The following NPSR1 variants were observed in gnomAD, a reference collection of about 807,000 sequenced individuals.
NPSR1 encodes neuropeptide S receptor 1.
Under a neutral mutation model 46.9 loss-of-function variants are expected in NPSR1, and 48 were observed. The observed-to-expected ratio is 1.02, with a 90% CI of 0.81 to 1.30. The LOEUF (loss-of-function observed/expected upper bound fraction) is 1.30, where lower values mean the gene tolerates loss of function less well. NPSR1 is among the 50% of genes most tolerant of loss of function. The probability of loss-of-function intolerance (pLI) is 0.00; values close to 1 mark genes in which losing one functional copy is unlikely to be tolerated. For synonymous variants in NPSR1, 176 were observed against 168.1 expected, an observed-to-expected ratio of 1.05 and a Z score of -0.36; for missense variants, 450 against 449.5, an observed-to-expected ratio of 1.00 and a Z score of -0.01.
In NPSR1 at chr7:34,827,450, G is replaced by C; in HGVS notation, c.528G>C (p.Leu176=). ...TGATCGCCTGGAGCCTGTCTTTTCT[G>C]TTCTCCATTCCCACCCTGATCATAT... ...LIVIAWSLSF[L]FSIPTLIIFG... The change falls in exon 5 of 9, where the codon CTG becomes CTC. Residue 176 remains leucine, a synonymous_variant. Coordinates refer to ENST00000360581, the MANE Select transcript of NPSR1 (RefSeq NM_207172.2). The C allele has an allele frequency of 6.2e-7, 1 of 1,614,094 alleles. No homozygotes were observed. The highest frequency in any genetic ancestry group is 1.1e-5 in the South Asian group (1 of 91,076).
chr7:34,709,942 C>G (rs1783190002), intron 2 of NPSR1, among the ~76,000 whole-genome samples: 8 of 152,168 alleles, frequency 5.3e-5, no homozygotes, highest in Admixed American at 5.2e-4. Flanking sequence ...GTGAGATTAT[C>G]AGCACCTTCT....
chr7:34,753,294 T>C (rs1583949863), intron 2 of NPSR1: 1 of 152,272 alleles, frequency 6.6e-6, no homozygotes, highest in South Asian at 2.1e-4. Context: ...CCCCAGTGTT[T>C]TATGGTGGTC....
intron 6 of NPSR1, 109 bp from the exon 7 acceptor site, chr7:34,844,787 C>T: frequency 1.3e-6 from 1 of 761,020 alleles, no homozygotes; most frequent in Non-Finnish European, 2.4e-6. Context: ...CATAAATGCA[C>T]AGGATATAAG....
At chr7:34,792,021 G>C (rs541139715) in intron 3 of NPSR1, among the ~76,000 whole-genome samples, 5 of 152,144 alleles carry the variant, frequency 3.3e-5, no homozygotes, top group African/African-American at 4.8e-5. Flanking sequence ...CATGAGAAGA[G>C]TGCAATTTAA....
chr7:34,821,380 C>T (rs964790337), intron 4 of NPSR1, among the ~76,000 whole-genome samples: 1 of 152,022 alleles, frequency 6.6e-6, no homozygotes, highest in African/African-American at 2.4e-5. Context: ...TCCACCTTGG[C>T]CTTCCAAAGT....
At chr7:34,685,891 C>G (rs1792904649) in intron 2 of NPSR1, 1 of 231,610 alleles carries the variant, frequency 4.3e-6, no homozygotes, top group South Asian at 4.5e-5. Flanking sequence ...TTCAATCTTT[C>G]CTACCAACAA....
At chr7:34,789,018 G>A (rs775798987) in intron 3 of NPSR1, among the ~76,000 whole-genome samples, 3 of 151,834 alleles carry the variant, frequency 2.0e-5, no homozygotes, top group South Asian at 2.1e-4. Context: ...TGTTACAAAC[G>A]TGAAAATTAA....
intron 1 of NPSR1, among the ~76,000 whole-genome samples, chr7:34,681,192 G>A (rs1792615786): frequency 6.6e-6 from 1 of 152,142 alleles, no homozygotes; most frequent in African/African-American, 2.4e-5. Flanking sequence ...CAACCTGAGG[G>A]AGAGCTGGGT....
chr7:34,876,721 GA>G (rs1791583656), intron 8 of NPSR1, among the ~76,000 whole-genome samples: 1 of 152,118 alleles, frequency 6.6e-6, no homozygotes, highest in East Asian at 1.9e-4. Context: ...CAGGAGGTCC[GA>G]GAAGGACCTA....
intron 5 of NPSR1, among the ~76,000 whole-genome samples, chr7:34,828,402 A>C (rs1305564510): frequency 1.3e-5 from 2 of 152,216 alleles, no homozygotes; most frequent in Non-Finnish European, 1.5e-5. Flanking sequence ...GCCAATGGTG[A>C]GCTGTAGAGG....
chr7:34,827,247 T>C (rs1789900452), intron 4 of NPSR1, among the ~76,000 whole-genome samples, 154 bp from the exon 5 acceptor site: 1 of 152,228 alleles, frequency 6.6e-6, no homozygotes, highest in African/African-American at 2.4e-5. Context: ...GGAGATACTG[T>C]ATCCCTGTTT....
At chr7:34,705,642 CTT>C (rs1794069201) in intron 2 of NPSR1, among the ~76,000 whole-genome samples, 1 of 151,486 alleles carries the variant, frequency 6.6e-6, no homozygotes, top group African/African-American at 2.4e-5. Flanking sequence ...ACACATAAGT[CTT>C]TTCATTTATT....
At chr7:34,848,192 G>C (rs1790807369) in intron 7 of NPSR1, among the ~76,000 whole-genome samples, 1 of 152,072 alleles carries the variant, frequency 6.6e-6, no homozygotes, top group South Asian at 2.1e-4. Context: ...CTTGTTCCTG[G>C]GGTTTCTATA....
At chr7:34,659,073 G>A (rs1791329581) in intron 1 of NPSR1, among the ~76,000 whole-genome samples, 1 of 152,186 alleles carries the variant, frequency 6.6e-6, no homozygotes, top group Admixed American at 6.5e-5. Context: ...ATATTTCTTT[G>A]AGGGTAGTTG....
chr7:34,875,127 T>C (rs1451969139), intron 8 of NPSR1, among the ~76,000 whole-genome samples: 2 of 152,218 alleles, frequency 1.3e-5, no homozygotes, highest in Non-Finnish European at 2.9e-5. Context: ...TGCATATTTA[T>C]TGGATGAATG....
chr7:34,771,937 AG>A (rs1444633443), intron 2 of NPSR1, among the ~76,000 whole-genome samples: 1 of 152,190 alleles, frequency 6.6e-6, no homozygotes, highest in Non-Finnish European at 1.5e-5. Flanking sequence ...AGTCAGGTTA[AG>A]GGTAGTAATT....
At chr7:34,808,325 A>G (rs868454491) in intron 3 of NPSR1, among the ~76,000 whole-genome samples, 10 of 152,202 alleles carry the variant, frequency 6.6e-5, no homozygotes, top group African/African-American at 2.4e-4. Context: ...TGTTACAGCC[A>G]CCATAGGAAA....
intron 1 of NPSR1, among the ~76,000 whole-genome samples, chr7:34,674,874 G>A (rs1340650329): frequency 1.3e-5 from 2 of 152,232 alleles, no homozygotes; most frequent in South Asian, 2.1e-4. Flanking sequence ...ATCCAACCCA[G>A]CCCCAGAAAC....
At chr7:34,783,998 A>C (rs1457510798) in intron 3 of NPSR1, among the ~76,000 whole-genome samples, 10 of 152,194 alleles carry the variant, frequency 6.6e-5, no homozygotes. Flanking sequence ...TATTTTCCAA[A>C]AATTCTACAC....
Sources: allele counts gnomAD v4.1 joint callset (sites outside exome capture counted in the v4.1 genomes callset), GRCh38; gene constraint gnomAD v4.1.1; transcripts MANE v1.5; gene names NCBI Gene and HGNC (gene_info 2026-07-23, HGNC 2026-07-21).